DIS3L2: variants seen among roughly 807,000 people sequenced by gnomAD.
DIS3L2 encodes DIS3 like 3'-5' exoribonuclease 2, also known as DIS3-like exonuclease 2.
DIS3L2 carries 34 observed loss-of-function variants against 97.5 expected under a neutral mutation model. That is an observed-to-expected ratio of 0.35 (90% CI 0.27 to 0.46). DIS3L2 has a LOEUF of 0.46. Ranked by LOEUF, DIS3L2 falls within the 20% of genes least tolerant of loss-of-function variation. The probability of loss-of-function intolerance (pLI) is 1.00; values close to 1 mark genes in which losing one functional copy is unlikely to be tolerated. For synonymous variants in DIS3L2, 435 were observed against 445.2 expected (o/e 0.98, Z 0.29); for missense variants, 1,038 against 1,146.0 (o/e 0.91, Z 1.36).
At position 232,210,383 on chromosome 2, in the gene DIS3L2, C is replaced by T. The variant is rs2106218010; in HGVS notation, c.1182C>T (p.Leu394=). ...PSTARDLDDA[L]SCKPLADGNF... ...CCGCCCGAGACCTCGATGATGCCCT[C>T]TCCTGCAAGCCACTCGCTGACGGTA... The change falls in exon 10 of 21, where the codon CTC becomes CTT. Residue 394 remains leucine (L), a synonymous_variant. Coordinates refer to ENST00000325385, the MANE Select transcript of DIS3L2 (RefSeq NM_152383.5). 6.2e-7 allele frequency: 1 copy of T among 1,613,660 alleles called. No individual in the cohort carries two copies. The highest frequency in any genetic ancestry group is 8.5e-7 in the Non-Finnish European group (1 of 1,179,618).
At chr2:232,270,912 C>CTCTCTG (rs1559185348) in intron 13 of DIS3L2, among the ~76,000 whole-genome samples, 6 of 121,238 alleles carry the variant, frequency 4.9e-5, no homozygotes, top group African/African-American at 1.8e-4. Flanking sequence ...CTCTCTCTCT[C>CTCTCTG]TCTGTCTCGT....
intron 14 of DIS3L2, 122 bp from the exon 15 acceptor site, chr2:232,329,691 T>G: frequency 3.0e-6 from 3 of 993,964 alleles, no homozygotes; most frequent in Non-Finnish European, 4.2e-6. Context: ...AGCTGGGAGG[T>G]TGTCTTTAAG....
At chr2:232,329,785 T>TCCCGGGC in intron 14 of DIS3L2, 28 bp from the exon 15 acceptor site, 1 of 967,144 alleles carries the variant, frequency 1.0e-6, no homozygotes, top group Non-Finnish European at 1.5e-6. Flanking sequence ...ACCCCAGCGG[T>TCCCGGGC]CCCTCCCATC....
At chr2:232,212,391 C>T (rs1358115729) in intron 10 of DIS3L2, among the ~76,000 whole-genome samples, 1 of 152,186 alleles carries the variant, frequency 6.6e-6, no homozygotes, top group Non-Finnish European at 1.5e-5. Context: ...TAATAGCAGA[C>T]GGATACATCT....
intron 5 of DIS3L2, among the ~76,000 whole-genome samples, chr2:232,066,847 G>A (rs994840219): frequency 6.6e-6 from 1 of 151,776 alleles, no homozygotes; most frequent in Non-Finnish European, 1.5e-5. Context: ...GTTTCTTCTT[G>A]TATCTGTCTT....
intron 13 of DIS3L2, among the ~76,000 whole-genome samples, chr2:232,265,105 A>G (rs1021710580): frequency 1.3e-5 from 2 of 152,254 alleles, no homozygotes; most frequent in Non-Finnish European, 2.9e-5. Flanking sequence ...TCTCATTTAC[A>G]GGTGGCTGCC....
At chr2:232,084,854 C>T (rs562559108) in intron 5 of DIS3L2, among the ~76,000 whole-genome samples, 1 of 148,844 alleles carries the variant, frequency 6.7e-6, no homozygotes, top group Non-Finnish European at 1.5e-5. Flanking sequence ...TTTATGGAGT[C>T]AATTTTTACA....
chr2:232,066,184 C>T (rs944997845), intron 5 of DIS3L2, among the ~76,000 whole-genome samples: 1 of 151,820 alleles, frequency 6.6e-6, no homozygotes, highest in Non-Finnish European at 1.5e-5. Context: ...TGATGTTGAA[C>T]ACAAGTAGTG....
At chr2:232,098,254 A>G (rs1302793775) in intron 6 of DIS3L2, among the ~76,000 whole-genome samples, 3 of 152,108 alleles carry the variant, frequency 2.0e-5, no homozygotes, top group African/African-American at 7.2e-5. Flanking sequence ...TGAAGCTTCC[A>G]TCTAAGCCAG....
At chr2:232,192,525 C>T (rs1691641768) in intron 9 of DIS3L2, among the ~76,000 whole-genome samples, 1 of 152,204 alleles carries the variant, frequency 6.6e-6, no homozygotes, top group South Asian at 2.1e-4. Flanking sequence ...TCTTTAAGCT[C>T]CTACTGGCTA....
rs1169343033 is a variant in DIS3L2, at chr2:232,336,314, T to C, written c.2497-155T>C. Reference sequence around the variant, plus strand: ...CCCAACTCTGCCCTGACCCAGGGCATTCTTCCTGGAGGGGGCCCCCATTAC... The same window carrying C: ...CCCAACTCTGCCCTGACCCAGGGCACTCTTCCTGGAGGGGGCCCCCATTAC... On this transcript the variant is annotated intron_variant, in intron 20 of 20. Transcript: ENST00000325385. The C allele has an allele frequency of 1.6e-5, 24 of 1,546,376 alleles. No homozygotes were observed. The East Asian group carries it at 5.9e-4, about 38-fold the overall frequency.
intron 11 of DIS3L2, among the ~76,000 whole-genome samples, chr2:232,247,206 A>G (rs1286855131): frequency 6.6e-6 from 1 of 152,214 alleles, no homozygotes; most frequent in Non-Finnish European, 1.5e-5. Flanking sequence ...AATACAGTTG[A>G]TAGAACGAAC....
intron 3 of DIS3L2, among the ~76,000 whole-genome samples, chr2:232,021,436 C>T (rs994721229): frequency 2.7e-5 from 4 of 150,402 alleles, no homozygotes; most frequent in African/African-American, 9.8e-5. Context: ...TCGGAAAGTG[C>T]GATATTTGAA....
At chr2:231,987,345 C>T (rs778746868) in intron 1 of DIS3L2, among the ~76,000 whole-genome samples, 4 of 152,188 alleles carry the variant, frequency 2.6e-5, no homozygotes, top group Non-Finnish European at 4.4e-5. Context: ...ATATGAAATA[C>T]ATGTGTATGG....
chr2:232,197,524 G>A (rs1280546457), intron 9 of DIS3L2, among the ~76,000 whole-genome samples: 7 of 152,192 alleles, frequency 4.6e-5, no homozygotes. Flanking sequence ...TTTTCAGGTT[G>A]AGGATGGGAA....
chr2:232,155,421 A>G (rs961704423), intron 8 of DIS3L2, among the ~76,000 whole-genome samples: 6 of 152,106 alleles, frequency 3.9e-5, no homozygotes, highest in South Asian at 2.1e-4. Flanking sequence ...ACCTCAGTTC[A>G]TCACTTTGCA....
Position 231,986,069 on chromosome 2 carries a change from C to T in DIS3L2, c.-94+24304C>T, listed in dbSNP as rs150366901. On this transcript the variant is annotated intron_variant, in intron 1 of 20. Coordinates refer to ENST00000325385, the MANE Select transcript of DIS3L2 (RefSeq NM_152383.5). ...TCCTGGTGCCCTTGGACATCAGACT[C>T]TGGGTTCTTCCGCCTTTGCACTCTT... Among the ~76,000 whole-genome samples the T allele has an allele frequency of 3.9e-3, 597 of 152,358 alleles. 3 individuals carry two copies. The highest frequency in any genetic ancestry group is 0.013 in the African/African-American group (547 of 41,586).
intron 9 of DIS3L2, among the ~76,000 whole-genome samples, chr2:232,186,363 A>G (rs1050019158): frequency 1.3e-5 from 2 of 152,254 alleles, no homozygotes; most frequent in African/African-American, 4.8e-5. Flanking sequence ...CATGTCACAT[A>G]GACAATCTGA....
At chr2:232,214,999 G>A (rs115141377) in intron 10 of DIS3L2, among the ~76,000 whole-genome samples, 3,116 of 152,264 alleles carry the variant, frequency 0.02, 44 homozygotes, top group Non-Finnish European at 0.027. Context: ...ATGGGTTTCA[G>A]TTTCTTTTTG....
Sources: gnomAD v4.1 joint callset for allele counts (sites outside exome capture counted in the v4.1 genomes callset) on GRCh38, gnomAD v4.1.1 for gene constraint, MANE v1.5 for transcripts, NCBI Gene and HGNC (gene_info 2026-07-23, HGNC 2026-07-21) for gene names.